NSD1: variants seen among roughly 807,000 people sequenced by gnomAD.
NSD1 encodes the protein nuclear receptor binding SET domain protein 1.
Under a neutral mutation model 242.7 loss-of-function variants are expected in NSD1, and 26 were observed. That is an observed-to-expected ratio of 0.11 (90% CI 0.08 to 0.15). The LOEUF is 0.15. Among genes scored for constraint, NSD1 ranks in the 10% least tolerant of loss-of-function variants. The pLI is 1.00. For synonymous variants in NSD1, 1,106 were observed against 1,178.1 expected, an observed-to-expected ratio of 0.94 and a Z score of 1.25; for missense variants, 2,495 against 3,272.8, an observed-to-expected ratio of 0.76 and a Z score of 5.80.
At chr5:177,166,743 C>CTTTTTTTTTTTT (rs967834304) in intron 2 of NSD1, among the ~76,000 whole-genome samples, 1 of 133,422 alleles carries the variant, frequency 7.5e-6, no homozygotes. Context: ...TTTTGAGTTA[C>CTTTTTTTTTTTT]TTTTTTTTTT....
At chr5:177,279,610 ATTT>A (rs536478404) in intron 17 of NSD1, among the ~76,000 whole-genome samples, 34 of 95,424 alleles carry the variant, frequency 3.6e-4, no homozygotes, top group African/African-American at 1.2e-3. Context: ...AGCTTTGAAA[ATTT>A]TTTTTTTTTT....
chr5:177,213,533 T>C (rs1248625293), intron 5 of NSD1, among the ~76,000 whole-genome samples: 1 of 152,214 alleles, frequency 6.6e-6, no homozygotes, highest in Non-Finnish European at 1.5e-5. Context: ...CGTGGCGTGA[T>C]CTCGGCTCAC....
intron 22 of NSD1, among the ~76,000 whole-genome samples, 155 bp from the exon 23 acceptor site, chr5:177,293,677 G>A (rs939157131): frequency 7.9e-5 from 12 of 151,804 alleles, no homozygotes; most frequent in African/African-American, 2.2e-4. Flanking sequence ...TGGAATTCTG[G>A]GGCAAGAGGT....
At chr5:177,147,924 C>T (rs763630768) in intron 2 of NSD1, among the ~76,000 whole-genome samples, 4 of 151,852 alleles carry the variant, frequency 2.6e-5, no homozygotes, top group Non-Finnish European at 4.4e-5. Flanking sequence ...AGTAATATTC[C>T]ATGATACAAA....
chr5:177,242,771 C>T (rs1178448782), intron 8 of NSD1, among the ~76,000 whole-genome samples: 6 of 152,032 alleles, frequency 3.9e-5, no homozygotes, highest in Non-Finnish European at 7.4e-5. Flanking sequence ...TCAGGTGATC[C>T]GCCTGCCTCG....
chr5:177,189,583 C>T (rs1761506757), intron 2 of NSD1, among the ~76,000 whole-genome samples: 1 of 152,108 alleles, frequency 6.6e-6, no homozygotes, highest in South Asian at 2.1e-4. Context: ...TGTATCTCCC[C>T]AGGTTTGAAT....
At chr5:177,237,531 C>CTTTTTTTTTTTTT (rs35657331) in intron 6 of NSD1, among the ~76,000 whole-genome samples, 1 of 123,156 alleles carries the variant, frequency 8.1e-6, no homozygotes, top group Non-Finnish European at 1.7e-5. Context: ...ATTATTTTAT[C>CTTTTTTTTTTTTT]TTTTTTTTTT....
chr5:177,171,762 T>C (rs947328932), intron 2 of NSD1, among the ~76,000 whole-genome samples: 1 of 152,240 alleles, frequency 6.6e-6, no homozygotes, highest in Non-Finnish European at 1.5e-5. Context: ...TGTCAAGGTT[T>C]TTGCATGTTG....
rs2127279881 is a variant in NSD1, at chr5:177,294,078, C to T, written c.6710C>T (p.Ala2237Val). The T allele has an allele frequency of 6.2e-7, 1 of 1,614,090 alleles. No homozygotes were observed. Among genetic ancestry groups the T allele is most frequent in the South Asian group, 1.1e-5 (1 of 91,074 alleles). Residue 2237 changes from alanine to valine, a missense_variant, in exon 23 of 23, where the codon GCA (alanine) becomes GTA (valine). Ala to Val is a moderately conservative substitution (Grantham distance 64). Transcript: ENST00000439151. Reference protein sequence around the residue: ...PLPPGPSTHLAEQSTGMAAQA... With the variant: ...PLPPGPSTHLVEQSTGMAAQA... ...CCTCCAGGGCCAAGCACTCACCTGG[C>T]AGAGCAATCAACAGGAATGGCTGCT...
intron 2 of NSD1, among the ~76,000 whole-genome samples, chr5:177,186,151 TGTG>T (rs1339641471): frequency 7.4e-6 from 1 of 134,538 alleles, no homozygotes; most frequent in East Asian, 2.0e-4. Flanking sequence ...ATCAGCCCAG[TGTG>T]GTGGTGTGCG....
At chr5:177,289,729 T>C (rs1389561720) in intron 21 of NSD1, among the ~76,000 whole-genome samples, 1 of 152,206 alleles carries the variant, frequency 6.6e-6, no homozygotes, top group African/African-American at 2.4e-5. Flanking sequence ...GTCTTCCTGT[T>C]TTTTTAGTAT....
chr5:177,171,921 A>G (rs1001984961), intron 2 of NSD1, among the ~76,000 whole-genome samples: 13 of 152,196 alleles, frequency 8.5e-5, no homozygotes, highest in African/African-American at 3.1e-4. Context: ...TGGGTGTGCA[A>G]ATATCTGTTT....
At chr5:177,217,156 CATTT>C (rs1763840126) in intron 5 of NSD1, among the ~76,000 whole-genome samples, 2 of 151,970 alleles carry the variant, frequency 1.3e-5, no homozygotes, top group South Asian at 2.1e-4. Context: ...GCTATCTTTC[CATTT>C]ATTTATATCT....
chr5:177,159,997 C>T (rs1040702673), intron 2 of NSD1, among the ~76,000 whole-genome samples: 1 of 152,112 alleles, frequency 6.6e-6, no homozygotes, highest in African/African-American at 2.4e-5. Flanking sequence ...TCAAGCGATT[C>T]TCCTGCTTCA....
chr5:177,258,396 T>C (rs1039188479), intron 13 of NSD1, among the ~76,000 whole-genome samples: 4 of 152,134 alleles, frequency 2.6e-5, no homozygotes, highest in Admixed American at 6.5e-5. Flanking sequence ...ATGAAAACTC[T>C]TGTCCTAGAA....
At position 177,196,946 on chromosome 5, in the gene NSD1, C is replaced by G. The variant is rs114226477; in HGVS notation, c.1063+4927C>G. ...ATATATAATGTTTTTCCTGTACATA[C>G]ATACCTATTATAAAGTATCATTTAT... On this transcript the variant is annotated intron_variant, in intron 3 of 22. Coordinates refer to ENST00000439151, the MANE Select transcript of NSD1 (RefSeq NM_022455.5). 1.9e-3 allele frequency among the ~76,000 whole-genome samples: 295 copies of G among 152,308 alleles called. 1 individual carries two copies. The highest frequency in any genetic ancestry group is 6.8e-3 in the African/African-American group (284 of 41,578).
Position 177,210,559 on chromosome 5 carries a change from G to T in NSD1, c.2160G>T (p.Glu720Asp), listed in dbSNP as rs773833566. 2 of 1,614,000 alleles carry T rather than the reference G, an allele frequency of 1.2e-6. No homozygotes were observed. Among genetic ancestry groups the T allele is most frequent in the African/African-American group, 2.7e-5 (2 of 74,888 alleles). The change falls in exon 5 of 23, where the codon GAG becomes GAT. Residue 720 changes from glutamate (E) to aspartate (D), a missense_variant. Transcript: ENST00000439151. ...DHLMGCTKSAEPGTETSQVNL... is the reference protein window; with the variant it reads ...DHLMGCTKSADPGTETSQVNL... The stretch of plus-strand genomic sequence containing the variant: ...TAATGGGTTGTACTAAGAGTGCAGA[G>T]CCTGGAACCGAGACGTCTCAGGTTA...
intron 5 of NSD1, among the ~76,000 whole-genome samples, chr5:177,218,128 G>T (rs1763933269): frequency 6.6e-6 from 1 of 152,098 alleles, no homozygotes; most frequent in Non-Finnish European, 1.5e-5. Flanking sequence ...GCCTAGGTGG[G>T]TCTAAAACTT....
At chr5:177,263,336 A>G (rs1757141744) in intron 14 of NSD1, among the ~76,000 whole-genome samples, 1 of 152,240 alleles carries the variant, frequency 6.6e-6, no homozygotes, top group African/African-American at 2.4e-5. Flanking sequence ...TCTGTAGCCA[A>G]AGACTGGAGT....
Sources: allele counts gnomAD v4.1 joint callset (sites outside exome capture counted in the v4.1 genomes callset), GRCh38; gene constraint gnomAD v4.1.1; transcripts MANE v1.5; gene names NCBI Gene and HGNC (gene_info 2026-07-23, HGNC 2026-07-21).